Variants in BRD10 observed in about 807,000 individuals in gnomAD.
BRD10 encodes bromodomain containing 10, also known as uncharacterized bromodomain-containing protein 10.
chr9:5,911,654 C>CA, the BRD10 span, among the ~76,000 whole-genome samples: 7 of 151,890 alleles, frequency 4.6e-5, no homozygotes, highest in African/African-American at 1.7e-4. Flanking sequence ...TGTGCCTCAG[C>CA]CTCCCGAGTA....
chr9:5,887,688 T>C, the BRD10 span, among the ~76,000 whole-genome samples: 5 of 152,200 alleles, frequency 3.3e-5, no homozygotes, highest in South Asian at 2.1e-4. Flanking sequence ...TCCAAATCTA[T>C]TGACACAAGG....
chr9:5,908,664 G>A, the BRD10 span: 2 of 1,614,054 alleles, frequency 1.2e-6, no homozygotes, highest in South Asian at 2.2e-5. Flanking sequence ...ACCTGCTTAT[G>A]AGAAACTCTC....
chr9:6,007,998 G>C, the BRD10 span: 4 of 1,273,724 alleles, frequency 3.1e-6, no homozygotes, highest in Non-Finnish European at 4.0e-6. Context: ...GCGAGGAGGG[G>C]GGAGAGAAGA....
At chr9:5,966,945 G>C in the BRD10 span, among the ~76,000 whole-genome samples, 5 of 151,796 alleles carry the variant, frequency 3.3e-5, no homozygotes, top group Non-Finnish European at 5.9e-5. Flanking sequence ...GCCTGTTTTT[G>C]GTAATATATT....
the BRD10 span, chr9:5,908,783 A>G: frequency 7.1e-7 from 1 of 1,403,444 alleles, no homozygotes; most frequent in Non-Finnish European, 1.0e-6. Flanking sequence ...CAGACATCTA[A>G]TGTTCTCCTT....
the BRD10 span, chr9:5,923,259 A>T: frequency 6.2e-7 from 1 of 1,613,444 alleles, no homozygotes; most frequent in African/African-American, 1.3e-5. Context: ...TCCTTTTTCA[A>T]CAGCTTGCTT....
At chr9:5,967,941 A>T in the BRD10 span, 3 of 882,532 alleles carry the variant, frequency 3.4e-6, no homozygotes, top group Non-Finnish European at 5.1e-6. Flanking sequence ...CTCTCAATCA[A>T]AGCATCCATG....
At chr9:5,905,793 A>G in the BRD10 span, among the ~76,000 whole-genome samples, 1 of 152,188 alleles carries the variant, frequency 6.6e-6, no homozygotes, top group Admixed American at 6.5e-5. Context: ...TGTCTTCCTG[A>G]AACATATAAA....
At chr9:5,946,648 T>C in the BRD10 span, among the ~76,000 whole-genome samples, 2 of 87,182 alleles carry the variant, frequency 2.3e-5, no homozygotes, top group African/African-American at 9.4e-5. Flanking sequence ...GCTATACCTC[T>C]TTCACCGAAC....
the BRD10 span, among the ~76,000 whole-genome samples, chr9:5,879,388 G>T: frequency 2.4e-4 from 36 of 151,996 alleles, no homozygotes; most frequent in African/African-American, 8.0e-4. Context: ...AAAAAAGAGA[G>T]AAAGAAAAAG....
chr9:5,921,173 T>C, the BRD10 span: 65 of 1,613,852 alleles, frequency 4.0e-5, 1 homozygote, highest in Middle Eastern at 9.9e-4. Context: ...GCTACTTTTG[T>C]CTTCTCCTTT....
At chr9:5,953,393 G>C in the BRD10 span, among the ~76,000 whole-genome samples, 1 of 152,058 alleles carries the variant, frequency 6.6e-6, no homozygotes, top group Non-Finnish European at 1.5e-5. Flanking sequence ...TCTCTGCTTA[G>C]TATTAGCTAC....
At chr9:5,933,437 C>T in the BRD10 span, among the ~76,000 whole-genome samples, 1 of 152,160 alleles carries the variant, frequency 6.6e-6, no homozygotes, top group South Asian at 2.1e-4. Flanking sequence ...AAATTTGAAG[C>T]TTACCTTTCA....
the BRD10 span, among the ~76,000 whole-genome samples, chr9:5,930,896 C>T: frequency 6.6e-6 from 1 of 152,158 alleles, no homozygotes; most frequent in Non-Finnish European, 1.5e-5. Context: ...AAGTAACTTT[C>T]ATCTAGAAAA....
At chr9:5,903,609 A>G in the BRD10 span, among the ~76,000 whole-genome samples, 3 of 152,280 alleles carry the variant, frequency 2.0e-5, no homozygotes, top group Non-Finnish European at 1.5e-5. Context: ...TGTAACTCCA[A>G]CTTCATAGTG....
At chr9:5,895,795 A>C in the BRD10 span, among the ~76,000 whole-genome samples, 5 of 152,236 alleles carry the variant, frequency 3.3e-5, no homozygotes, top group Admixed American at 3.3e-4. Flanking sequence ...CGCCCTGCCA[A>C]GCTGGGCAGT....
chr9:5,912,571 T>C, the BRD10 span, among the ~76,000 whole-genome samples: 1 of 152,192 alleles, frequency 6.6e-6, no homozygotes, highest in African/African-American at 2.4e-5. Flanking sequence ...CAGTGTTCTG[T>C]AACAGCCTGG....
chr9:5,998,419 T>C, the BRD10 span, among the ~76,000 whole-genome samples: 1 of 152,112 alleles, frequency 6.6e-6, no homozygotes, highest in Non-Finnish European at 1.5e-5. Context: ...ATTTTAATAA[T>C]CTATATTGCA....
chr9:6,000,674 TCTG>T, the BRD10 span, among the ~76,000 whole-genome samples: 2 of 68,786 alleles, frequency 2.9e-5, no homozygotes, highest in Non-Finnish European at 1.1e-4. Context: ...TAAATAATAG[TCTG>T]TAAGTTCAGC....
Sources: allele counts gnomAD v4.1 joint callset (sites outside exome capture counted in the v4.1 genomes callset), GRCh38; gene constraint gnomAD v4.1.1; transcripts MANE v1.5; gene names NCBI Gene and HGNC (gene_info 2026-07-23, HGNC 2026-07-21).